NBEA: variants seen among roughly 807,000 people sequenced by gnomAD.
The protein encoded by NBEA is neurobeachin.
A neutral mutation model predicts 343.4 loss-of-function variants in NBEA; 44 were observed. The ratio of observed to expected loss-of-function variants is 0.13; its 90% CI spans 0.10 to 0.16. The LOEUF is 0.16. Among genes scored for constraint, NBEA ranks in the 10% least tolerant of loss-of-function variants. NBEA has a pLI of 1.00. For synonymous variants in NBEA, 1,175 were observed against 1,238.7 expected, an observed-to-expected ratio of 0.95 and a Z score of 1.08; for missense variants, 2,555 against 3,631.3, an observed-to-expected ratio of 0.70 and a Z score of 7.62.
At chr13:34,958,304 A>T (rs2152489218) in intron 1 of NBEA, among the ~76,000 whole-genome samples, 1 of 152,246 alleles carries the variant, frequency 6.6e-6, no homozygotes, top group Middle Eastern at 3.4e-3. Context: ...ACATGATTTT[A>T]TGAACTATAA....
chr13:35,670,440 A>T (rs574802772), intron 58 of NBEA, among the ~76,000 whole-genome samples: 1 of 152,288 alleles, frequency 6.6e-6, no homozygotes, highest in Admixed American at 6.5e-5. Context: ...TCAGAATGAG[A>T]CGTCGTTGCC....
chr13:35,482,291 T>C (rs1164426431), intron 41 of NBEA, among the ~76,000 whole-genome samples: 1 of 151,514 alleles, frequency 6.6e-6, no homozygotes, highest in African/African-American at 2.4e-5. Flanking sequence ...AAGAAGGAAA[T>C]TAGTTTATAA....
intron 48 of NBEA, among the ~76,000 whole-genome samples, chr13:35,610,847 AAAT>A (rs1412411887): frequency 1.3e-5 from 2 of 152,122 alleles, no homozygotes; most frequent in African/African-American, 4.8e-5. Context: ...AAATCAATAA[AAAT>A]AAAACAATAT....
intron 34 of NBEA, among the ~76,000 whole-genome samples, chr13:35,278,110 AT>A (rs201759502): frequency 2.9e-4 from 42 of 145,728 alleles, no homozygotes; most frequent in East Asian, 1.2e-3. Flanking sequence ...TATATATAAA[AT>A]ATATATATAT....
At chr13:34,971,308 A>G (rs1182873416) in intron 1 of NBEA, among the ~76,000 whole-genome samples, 1 of 152,114 alleles carries the variant, frequency 6.6e-6, no homozygotes, top group African/African-American at 2.4e-5. Context: ...ATACAGGATC[A>G]TGTCATTGGC....
chr13:35,612,627 A>C (rs2153055531), intron 48 of NBEA, among the ~76,000 whole-genome samples: 1 of 152,312 alleles, frequency 6.6e-6, no homozygotes, highest in South Asian at 2.1e-4. Flanking sequence ...GATGTGCCTA[A>C]ATGAAATAGA....
At chr13:35,650,162 T>C (rs9544891) in intron 52 of NBEA, among the ~76,000 whole-genome samples, 28,610 of 152,108 alleles carry the variant, frequency 0.19, 2,872 homozygotes, top group South Asian at 0.27. Flanking sequence ...AAATACACCC[T>C]TCTTTTTTCC....
At chr13:35,260,256 G>A (rs1308600772) in intron 34 of NBEA, among the ~76,000 whole-genome samples, 2 of 152,200 alleles carry the variant, frequency 1.3e-5, no homozygotes, top group Non-Finnish European at 2.9e-5. Context: ...CAGGGAAAAA[G>A]AGGCAGTGAC....
intron 1 of NBEA, among the ~76,000 whole-genome samples, chr13:35,006,567 A>G (rs1300850625): frequency 6.6e-6 from 1 of 152,062 alleles, no homozygotes; most frequent in East Asian, 1.9e-4. Flanking sequence ...TTCTTCCTGC[A>G]TGTCTAAGCT....
intron 33 of NBEA, among the ~76,000 whole-genome samples, chr13:35,231,699 T>C (rs1243254756): frequency 6.6e-6 from 1 of 152,078 alleles, no homozygotes; most frequent in Non-Finnish European, 1.5e-5. Context: ...ACTGCAATCA[T>C]CTTCATTTTG....
At chr13:35,427,674 A>G (rs962134128) in intron 38 of NBEA, among the ~76,000 whole-genome samples, 14 of 152,308 alleles carry the variant, frequency 9.2e-5, no homozygotes, top group African/African-American at 3.4e-4. Context: ...AGACAGGGAC[A>G]TTTAAGTCTG....
intron 36 of NBEA, among the ~76,000 whole-genome samples, chr13:35,338,941 A>G (rs1177832536): frequency 2.6e-5 from 4 of 152,138 alleles, no homozygotes; most frequent in African/African-American, 9.6e-5. Context: ...ACAAAATTTA[A>G]TACTGTTTAA....
intron 33 of NBEA, among the ~76,000 whole-genome samples, chr13:35,227,562 T>A (rs1443517341): frequency 6.6e-6 from 1 of 152,082 alleles, no homozygotes; most frequent in Non-Finnish European, 1.5e-5. Flanking sequence ...GTAAATCTTT[T>A]AGGTACAATA....
At chr13:35,419,900 G>T (rs1318327736) in intron 38 of NBEA, among the ~76,000 whole-genome samples, 2 of 151,924 alleles carry the variant, frequency 1.3e-5, no homozygotes, top group African/African-American at 4.8e-5. Flanking sequence ...TCCATTTAGT[G>T]ATTATAATTT....
chr13:35,128,270 T>C (rs1374741522), intron 17 of NBEA, among the ~76,000 whole-genome samples: 4 of 150,716 alleles, frequency 2.7e-5, no homozygotes, highest in African/African-American at 9.7e-5. Context: ...GGAACCATGA[T>C]CTTAGTATTG....
At chr13:35,429,169 G>GAATGTGAGTGCTCC (rs1166926342) in intron 38 of NBEA, among the ~76,000 whole-genome samples, 1 of 152,184 alleles carries the variant, frequency 6.6e-6, no homozygotes, top group Non-Finnish European at 1.5e-5. Context: ...GGTCTCCACT[G>GAATGTGAGTGCTCC]ACTCCATGTG....
intron 41 of NBEA, among the ~76,000 whole-genome samples, chr13:35,502,767 T>C (rs2076937253): frequency 6.6e-6 from 1 of 152,084 alleles, no homozygotes; most frequent in African/African-American, 2.4e-5. Flanking sequence ...CATCCGTGCT[T>C]ATGTCTGATA....
chr13:35,239,415 T>C (rs1340288465), intron 34 of NBEA, among the ~76,000 whole-genome samples: 2 of 151,978 alleles, frequency 1.3e-5, no homozygotes, highest in African/African-American at 2.4e-5. Context: ...TTCTGAAAAA[T>C]TTGAAAAATG....
chr13:35,174,161 A>G (rs947759014), intron 27 of NBEA, among the ~76,000 whole-genome samples: 2 of 152,068 alleles, frequency 1.3e-5, no homozygotes, highest in African/African-American at 4.8e-5. Flanking sequence ...TAGTCATACC[A>G]TAGACTTCAT....
Sources: gnomAD v4.1 joint callset for allele counts (sites outside exome capture counted in the v4.1 genomes callset) on GRCh38, gnomAD v4.1.1 for gene constraint, MANE v1.5 for transcripts, NCBI Gene and HGNC (gene_info 2026-07-23, HGNC 2026-07-21) for gene names.